SCN7A: variants seen among roughly 807,000 people sequenced by gnomAD.
The protein encoded by SCN7A is sodium voltage-gated channel alpha subunit 7, also known as sodium channel protein type 7 subunit alpha.
SCN7A carries 138 observed loss-of-function variants against 155.2 expected under a neutral mutation model. That is an observed-to-expected ratio of 0.89 (90% CI 0.77 to 1.02). SCN7A has a LOEUF of 1.02. Ranked by LOEUF, SCN7A falls within the 50% of genes least tolerant of loss-of-function variation. The pLI, the probability that SCN7A is intolerant of heterozygous loss-of-function variation, is 0.00. For synonymous variants in SCN7A, 693 were observed against 649.0 expected (o/e 1.07, Z -1.03); for missense variants, 2,058 against 1,986.6 (o/e 1.04, Z -0.68).
chr2:166,457,852 T>A (rs1158587042), intron 10 of SCN7A, among the ~76,000 whole-genome samples: 1 of 152,024 alleles, frequency 6.6e-6, no homozygotes, highest in South Asian at 2.1e-4. Flanking sequence ...CAAAAGTACA[T>A]GAACAAAATT....
intron 5 of SCN7A, among the ~76,000 whole-genome samples, chr2:166,473,116 C>T (rs921187529): frequency 6.6e-6 from 1 of 151,506 alleles, no homozygotes; most frequent in African/African-American, 2.4e-5. Flanking sequence ...ACAACAAAAC[C>T]CCATGACGCA....
At chr2:166,409,620 AATTAAT>A in intron 25 of SCN7A, 39 bp downstream of exon 25, 1 of 1,329,836 alleles carries the variant, frequency 7.5e-7, no homozygotes, top group Admixed American at 3.0e-5. Context: ...AGCTTACTTG[AATTAAT>A]ATTATTATCA....
rs963402466 is a variant in SCN7A at position 166,405,275 on chromosome 2, A to G, written c.*305T>C. 7.3e-6 allele frequency: 2 copies of G among 274,632 alleles called. No homozygotes were observed. The allele number at this position is 274,632 out of a possible 1,614,324, so 17.0% of individuals were successfully genotyped here. A position where few individuals can be genotyped will look rare whatever the true frequency, so the allele number is the denominator to read the frequency against. ...AAAGCCCCTGCTGCTGCTGATCTCT[A>G]TCACCACTTCCCTTCATTCCCTAGA... On this transcript the variant is annotated 3_prime_UTR_variant, in exon 26 of 26. Coordinates refer to ENST00000643258, the MANE Select transcript of SCN7A (RefSeq NM_002976.4).
At chr2:166,457,891 T>C (rs75395671) in intron 10 of SCN7A, among the ~76,000 whole-genome samples, 2,367 of 152,294 alleles carry the variant, frequency 0.016, 76 homozygotes, top group East Asian at 0.12. Flanking sequence ...ATTAAATTAA[T>C]AGAAAAGTAT....
At chr2:166,455,269 T>G (rs1314891240) in intron 11 of SCN7A, among the ~76,000 whole-genome samples, 2 of 152,130 alleles carry the variant, frequency 1.3e-5, no homozygotes, top group Non-Finnish European at 2.9e-5. Flanking sequence ...CTTCTGATTA[T>G]GTACCACACA....
At chr2:166,449,214 G>A (rs1157304815) in intron 11 of SCN7A, among the ~76,000 whole-genome samples, 1 of 152,082 alleles carries the variant, frequency 6.6e-6, no homozygotes, top group African/African-American at 2.4e-5. Flanking sequence ...TAAATTTTTA[G>A]AACCAGACAA....
chr2:166,411,693 T>C (rs1189515664), intron 23 of SCN7A, among the ~76,000 whole-genome samples: 1 of 152,004 alleles, frequency 6.6e-6, no homozygotes. Flanking sequence ...AAAAGGCATC[T>C]TAACGTGAAC....
At chr2:166,438,532 C>A (rs1701885471) in intron 15 of SCN7A, among the ~76,000 whole-genome samples, 1 of 152,120 alleles carries the variant, frequency 6.6e-6, no homozygotes, top group East Asian at 1.9e-4. Flanking sequence ...AAAACCAATT[C>A]ATTTCCTTTG....
chr2:166,477,168 G>A (rs1305955664), intron 3 of SCN7A, among the ~76,000 whole-genome samples: 1 of 151,772 alleles, frequency 6.6e-6, no homozygotes, highest in Non-Finnish European at 1.5e-5. Flanking sequence ...ACCACAAATG[G>A]ACAATCATCA....
chr2:166,485,411 G>A (rs1050651550), intron 2 of SCN7A, among the ~76,000 whole-genome samples: 2 of 152,100 alleles, frequency 1.3e-5, no homozygotes, highest in African/African-American at 4.8e-5. Context: ...GATAGGATTA[G>A]AAGTCCACAA....
At chr2:166,470,824 T>C (rs918271110) in intron 6 of SCN7A, 118 bp from the exon 7 acceptor site, 1 of 803,160 alleles carries the variant, frequency 1.2e-6, no homozygotes, top group African/African-American at 1.8e-5. Flanking sequence ...TTTCCCTTGA[T>C]CACATGATTC....
intron 16 of SCN7A, among the ~76,000 whole-genome samples, chr2:166,430,538 C>CTA (rs1701712312): frequency 6.6e-6 from 1 of 151,600 alleles, no homozygotes; most frequent in South Asian, 2.1e-4. Flanking sequence ...TGTACATATC[C>CTA]TATTTGATGT....
chr2:166,447,477 T>A (rs370636275), intron 12 of SCN7A, 135 bp downstream of exon 12: 1 of 588,270 alleles, frequency 1.7e-6, no homozygotes, highest in Non-Finnish European at 2.9e-6. Flanking sequence ...ACATGGTTTA[T>A]CCTAATATTC....
At chr2:166,447,794 G>A in intron 11 of SCN7A, 86 bp from the exon 12 acceptor site, 1 of 854,708 alleles carries the variant, frequency 1.2e-6, no homozygotes, top group Non-Finnish European at 1.9e-6. Flanking sequence ...TGCTAAAAAT[G>A]CCACTTATTC....
chr2:166,405,969 G>C lies in SCN7A; in HGVS notation c.4660C>G (p.Pro1554Ala), dbSNP rs1701061904. 1.9e-6 allele frequency: 3 copies of C among 1,612,784 alleles called. No individual in the cohort carries two copies. The highest frequency in any genetic ancestry group is 2.7e-5 in the African/African-American group (2 of 74,796). ...ALDPPLFMAKPNKGQLIALDL... is the reference protein window; with the variant it reads ...ALDPPLFMAKANKGQLIALDL... ...AAAGCAATGAGCTGGCCCTTGTTTGGTTTTGCCATGAAAAGAGGAGGATCA... is the reference window on the plus strand; with the variant it reads ...AAAGCAATGAGCTGGCCCTTGTTTGCTTTTGCCATGAAAAGAGGAGGATCA... The change falls in exon 26 of 26, where the codon CCA (proline) becomes GCA (alanine). Residue 1554 changes from proline to alanine, a missense_variant. Coordinates refer to ENST00000643258, the MANE Select transcript of SCN7A (RefSeq NM_002976.4).
At chr2:166,410,739 A>G (rs1701184331) in intron 23 of SCN7A, among the ~76,000 whole-genome samples, 1 of 152,160 alleles carries the variant, frequency 6.6e-6, no homozygotes. Context: ...GATCATTTTT[A>G]TATGACTATA....
Position 166,443,580 on chromosome 2 carries a change from T to C in SCN7A, c.1723A>G (p.Met575Val). The change falls in exon 14 of 26, where the codon ATG becomes GTG. Residue 575 changes from methionine (M) to valine (V), a missense_variant. Coordinates refer to ENST00000643258, the MANE Select transcript of SCN7A (RefSeq NM_002976.4). Reference sequence around the variant, plus strand: ...TCTATTAAACCATGGAACACTATCATGCTATCAAAAATGTTCCAACCTACT... The same window carrying C: ...TCTATTAAACCATGGAACACTATCACGCTATCAAAAATGTTCCAACCTACT... Reference protein sequence around the residue: ...FQVGWNIFDSMIVFHGLIELC... With the variant: ...FQVGWNIFDSVIVFHGLIELC... 6.3e-7 allele frequency: 1 copy of C among 1,589,366 alleles called. No homozygotes were observed. Among genetic ancestry groups the C allele is most frequent in the Non-Finnish European group, 8.6e-7 (1 of 1,166,990 alleles).
intron 2 of SCN7A, among the ~76,000 whole-genome samples, chr2:166,481,106 C>A (rs1012878118): frequency 6.6e-6 from 1 of 152,106 alleles, no homozygotes; most frequent in Non-Finnish European, 1.5e-5. Context: ...AACATATCAA[C>A]AATTTAGGTT....
intron 11 of SCN7A, 22 bp from the exon 12 acceptor site, chr2:166,447,730 T>C: frequency 6.5e-7 from 1 of 1,539,016 alleles, no homozygotes; most frequent in Non-Finnish European, 9.0e-7. Flanking sequence ...TTTGATGGTT[T>C]AATACTGGCT....
Sources: gnomAD v4.1 joint callset for allele counts (sites outside exome capture counted in the v4.1 genomes callset) on GRCh38, gnomAD v4.1.1 for gene constraint, MANE v1.5 for transcripts, NCBI Gene and HGNC (gene_info 2026-07-23, HGNC 2026-07-21) for gene names.